The following DPY19L3 variants were observed in gnomAD, a reference collection of about 807,000 sequenced individuals.
DPY19L3 encodes the protein protein C-mannosyl-transferase DPY19L3.
A neutral mutation model predicts 92.3 loss-of-function variants in DPY19L3; 51 were observed. That is an observed-to-expected ratio of 0.55 (90% CI 0.44 to 0.70). The LOEUF is 0.70. DPY19L3 is among the 30% of genes least tolerant of loss of function. The probability of loss-of-function intolerance (pLI) is 0.00; values close to 1 mark genes in which losing one functional copy is unlikely to be tolerated. For missense variants in DPY19L3, 706 were observed against 855.9 expected (o/e 0.82, Z 2.18); for synonymous variants, 309 against 315.2 (o/e 0.98, Z 0.21).
chr19:32,423,257 T>C (rs774764024), intron 3 of DPY19L3, among the ~76,000 whole-genome samples: 10 of 152,126 alleles, frequency 6.6e-5, no homozygotes, highest in Non-Finnish European at 1.0e-4. Flanking sequence ...TATTTATTTA[T>C]GAAACAGAGC....
Position 32,442,687 on chromosome 19 carries a change from C to T in DPY19L3, c.855+2777C>T, listed in dbSNP as rs116333469. Among the ~76,000 whole-genome samples, 732 of 152,284 alleles carry T rather than the reference C, an allele frequency of 4.8e-3. 5 individuals are homozygous for T. Among genetic ancestry groups the T allele is most frequent in the African/African-American group, 0.017 (701 of 41,560 alleles). On this transcript the variant is annotated intron_variant, in intron 8 of 18. Transcript: ENST00000392250. ...ATAACAATGGACTCAAACAAAAAGC[C>T]TCCTCCCTCTAGCAAAAGGACCAGA...
At chr19:32,424,674 A>G (rs1293686441) in intron 3 of DPY19L3, among the ~76,000 whole-genome samples, 1 of 152,208 alleles carries the variant, frequency 6.6e-6, no homozygotes, top group Non-Finnish European at 1.5e-5. Context: ...TGACCTACAG[A>G]GTCAACATGA....
intron 8 of DPY19L3, among the ~76,000 whole-genome samples, chr19:32,441,033 G>T (rs1880833469): frequency 6.6e-6 from 1 of 152,158 alleles, no homozygotes; most frequent in South Asian, 2.1e-4. Context: ...AGGTGTGCCA[G>T]TGACCACTCC....
At chr19:32,449,221 C>CAA (rs1194874236) in intron 8 of DPY19L3, among the ~76,000 whole-genome samples, 1 of 152,144 alleles carries the variant, frequency 6.6e-6, no homozygotes, top group Non-Finnish European at 1.5e-5. Context: ...AAATGTAACA[C>CAA]AAAGTGACAA....
intron 1 of DPY19L3, among the ~76,000 whole-genome samples, chr19:32,407,264 T>C (rs1449385106): frequency 0.031 from 2,477 of 80,260 alleles, 5 homozygotes; most frequent in Admixed American, 0.038. Context: ...AGGCTCCTGC[T>C]CCCCCCCACC....
chr19:32,413,233 T>G (rs928166017), intron 3 of DPY19L3: 2 of 152,208 alleles, frequency 1.3e-5, no homozygotes, highest in Non-Finnish European at 2.9e-5. Context: ...TGATGAAGGA[T>G]CTGAAGACAT....
chr19:32,445,938 G>A (rs1161142902), intron 8 of DPY19L3, among the ~76,000 whole-genome samples: 2 of 151,952 alleles, frequency 1.3e-5, no homozygotes, highest in African/African-American at 4.8e-5. Flanking sequence ...GGAGGCGGAG[G>A]TTGCAGTGAG....
rs1033608485 is a variant in DPY19L3 at position 32,484,799 on chromosome 19, G to A, written c.*2559G>A. 6.6e-6 allele frequency: 1 copy of A among 152,140 alleles called. No homozygotes were observed. The highest frequency in any genetic ancestry group is 1.5e-5 in the Non-Finnish European group (1 of 68,024). 9.4% of individuals were successfully genotyped at this position (152,140 alleles called of 1,614,324 possible). On this transcript the variant is annotated 3_prime_UTR_variant, in exon 19 of 19. Transcript: ENST00000392250. ...TATTCACATACACACAGAAAATACG[G>A]GTGTGAAAAGAAAGAATTTTCTGTA...
At chr19:32,448,718 G>A (rs553250372) in intron 8 of DPY19L3, among the ~76,000 whole-genome samples, 3 of 152,154 alleles carry the variant, frequency 2.0e-5, no homozygotes, top group Admixed American at 6.5e-5. Context: ...TTACTGTCTC[G>A]GGAGTAGCAG....
intron 12 of DPY19L3, 128 bp downstream of exon 12, chr19:32,458,637 C>A: frequency 2.0e-6 from 2 of 984,020 alleles, no homozygotes; most frequent in Non-Finnish European, 3.0e-6. Flanking sequence ...GGGGAACATA[C>A]CTCGTTTAGA....
intron 8 of DPY19L3, among the ~76,000 whole-genome samples, chr19:32,444,031 T>A (rs1463291546): frequency 1.0e-5 from 1 of 96,114 alleles, no homozygotes; most frequent in Admixed American, 1.2e-4. Flanking sequence ...CAAGACTCTG[T>A]CTCAAAAAAA....
chr19:32,445,905 G>A (rs1160968471), intron 8 of DPY19L3, among the ~76,000 whole-genome samples: 1 of 152,098 alleles, frequency 6.6e-6, no homozygotes, highest in African/African-American at 2.4e-5. Context: ...GGAGGCTGAG[G>A]CTGGAGAATT....
intron 16 of DPY19L3, among the ~76,000 whole-genome samples, chr19:32,472,226 G>A (rs1187329854): frequency 1.3e-5 from 2 of 152,170 alleles, no homozygotes; most frequent in Admixed American, 6.5e-5. Flanking sequence ...AGTAGAGATT[G>A]AAGCTTCAGT....
chr19:32,423,887 C>T (rs1168305396), intron 3 of DPY19L3, among the ~76,000 whole-genome samples: 1 of 151,356 alleles, frequency 6.6e-6, no homozygotes, highest in African/African-American at 2.4e-5. Flanking sequence ...GTGGCATGTG[C>T]CTATAGTCCC....
At chr19:32,423,438 CAG>C (rs1383358713) in intron 3 of DPY19L3, among the ~76,000 whole-genome samples, 1 of 52,452 alleles carries the variant, frequency 1.9e-5, no homozygotes, top group African/African-American at 7.0e-5. Context: ...TTAGTAGAGA[CAG>C]GGTTTTGCCA....
chr19:32,417,843 G>A (rs1032573231), intron 3 of DPY19L3, among the ~76,000 whole-genome samples: 15 of 152,120 alleles, frequency 9.9e-5, no homozygotes, highest in Admixed American at 2.0e-4. Flanking sequence ...TTACCTCCCC[G>A]TAACCAGGGA....
At chr19:32,408,417 C>T (rs997034239) in intron 2 of DPY19L3, 61 bp downstream of exon 2, 2 of 1,261,456 alleles carry the variant, frequency 1.6e-6, no homozygotes, top group South Asian at 2.6e-5. Context: ...ATTAAAATGT[C>T]ACTCTCCAAT....
rs185052623 is a variant in DPY19L3, at chr19:32,466,397, G to A, written c.1614+1613G>A. On this transcript the variant is annotated intron_variant, in intron 15 of 18. Transcript: ENST00000392250. ...AGTTTTAAGAACCCCCTGCTGTAGC[G>A]GTCACAGGGTTTCTCAGCAGTGGCA... Among the ~76,000 whole-genome samples, 324 of 152,286 alleles carry A rather than the reference G, an allele frequency of 2.1e-3. 2 individuals carry two copies. Among genetic ancestry groups the A allele is most frequent in the Admixed American group, 4.9e-3 (75 of 15,298 alleles).
chr19:32,432,560 G>C (rs1332254081), intron 3 of DPY19L3, among the ~76,000 whole-genome samples, 156 bp from the exon 4 acceptor site: 4 of 152,066 alleles, frequency 2.6e-5, no homozygotes, highest in Admixed American at 2.0e-4. Flanking sequence ...CTTTAACAGT[G>C]ATCAGCCTTC....
Sources: gnomAD v4.1 joint callset for allele counts (sites outside exome capture counted in the v4.1 genomes callset) on GRCh38, gnomAD v4.1.1 for gene constraint, MANE v1.5 for transcripts, NCBI Gene and HGNC (gene_info 2026-07-23, HGNC 2026-07-21) for gene names.